AMN1: variants seen among roughly 807,000 people sequenced by gnomAD.
AMN1 encodes the protein antagonist of mitotic exit network 1 homolog, also known as protein AMN1 homolog.
Under a neutral mutation model 33.0 loss-of-function variants are expected in AMN1, and 20 were observed. The observed-to-expected ratio is 0.61, with a 90% CI of 0.43 to 0.88. The LOEUF is 0.88. AMN1 is among the 40% of genes least tolerant of loss of function. The pLI is 0.00. For synonymous variants in AMN1, 114 were observed against 111.9 expected (o/e 1.02, Z -0.12); for missense variants, 246 against 307.4 (o/e 0.80, Z 1.49).
At chr12:31,696,612 C>A (rs1183305849) in intron 5 of AMN1, among the ~76,000 whole-genome samples, 1 of 151,968 alleles carries the variant, frequency 6.6e-6, no homozygotes, top group African/African-American at 2.4e-5. Context: ...TGATTCAATT[C>A]AAAGGATGAA....
chr12:31,681,801 G>A (rs555269684), intron 6 of AMN1, among the ~76,000 whole-genome samples: 6 of 152,072 alleles, frequency 3.9e-5, no homozygotes, highest in East Asian at 1.9e-4. Flanking sequence ...TCAGCCTCCC[G>A]AGTAGCTGGG....
intron 6 of AMN1, among the ~76,000 whole-genome samples, chr12:31,679,371 A>G (rs1448680770): frequency 6.6e-6 from 1 of 152,062 alleles, no homozygotes; most frequent in African/African-American, 2.4e-5. Context: ...TACTAAAAAA[A>G]TACAAAAAAA....
intron 1 of AMN1, among the ~76,000 whole-genome samples, chr12:31,712,432 G>C (rs1035976647): frequency 2.0e-5 from 3 of 151,940 alleles, no homozygotes; most frequent in African/African-American, 7.3e-5. Context: ...ATTCTTAGTA[G>C]AGACAGGGTT....
At chr12:31,704,075 T>G (rs1939119069) in intron 2 of AMN1, among the ~76,000 whole-genome samples, 1 of 152,244 alleles carries the variant, frequency 6.6e-6, no homozygotes, top group African/African-American at 2.4e-5. Context: ...ATTATCTTCC[T>G]GAGATTTCTA....
intron 3 of AMN1, among the ~76,000 whole-genome samples, chr12:31,701,037 T>C (rs964707936): frequency 6.6e-6 from 1 of 151,052 alleles, no homozygotes; most frequent in Non-Finnish European, 1.5e-5. Flanking sequence ...TTTGCTCTCA[T>C]TGCCCAGGCT....
chr12:31,711,426 T>C (rs939066470), intron 1 of AMN1, among the ~76,000 whole-genome samples: 1 of 152,140 alleles, frequency 6.6e-6, no homozygotes, highest in African/African-American at 2.4e-5. Context: ...TCTTAAATGT[T>C]GGAAGGCCTA....
intron 4 of AMN1, 65 bp downstream of exon 4, chr12:31,697,675 A>G: frequency 2.7e-6 from 4 of 1,504,956 alleles, no homozygotes; most frequent in Non-Finnish European, 3.7e-6. Context: ...ATATGTTCTC[A>G]TTAGTCATGA....
At chr12:31,694,602 C>T (rs116325576) in intron 5 of AMN1, among the ~76,000 whole-genome samples, 1,706 of 151,822 alleles carry the variant, frequency 0.011, 29 homozygotes, top group African/African-American at 0.038. Flanking sequence ...AAAAAGTAGC[C>T]AGGAGTGGGG....
chr12:31,692,546 A>G (rs1243170667), intron 5 of AMN1, among the ~76,000 whole-genome samples: 1 of 152,110 alleles, frequency 6.6e-6, no homozygotes, highest in African/African-American at 2.4e-5. Flanking sequence ...GAAATTGCAT[A>G]CTCATAGCAT....
intron 1 of AMN1, among the ~76,000 whole-genome samples, chr12:31,724,057 G>GA (rs1265532042): frequency 6.6e-6 from 1 of 152,148 alleles, no homozygotes; most frequent in Non-Finnish European, 1.5e-5. Flanking sequence ...TTATCCATGG[G>GA]AAAAACATTC....
chr12:31,706,692 TAACC>T (rs1939254422), intron 2 of AMN1, among the ~76,000 whole-genome samples: 1 of 152,200 alleles, frequency 6.6e-6, no homozygotes, highest in African/African-American at 2.4e-5. Context: ...AAAGAGTGAT[TAACC>T]ATCTTTTTCT....
chr12:31,729,088 C>A (rs1393006259), upstream of AMN1: 2 of 1,412,382 alleles, frequency 1.4e-6, no homozygotes, highest in South Asian at 1.4e-5. Context: ...CTCCCGCCCA[C>A]CGCGCGACGC....
chr12:31,720,552 A>AG (rs1334598952), intron 1 of AMN1, among the ~76,000 whole-genome samples: 2 of 152,060 alleles, frequency 1.3e-5, no homozygotes, highest in Admixed American at 1.3e-4. Flanking sequence ...AAAAAAAAAA[A>AG]AAAAGTCAAT....
In AMN1 at chr12:31,671,470, G is replaced by A. The variant is rs543718985; in HGVS notation, c.*834C>T. 17 of 152,284 alleles carry A rather than the reference G, an allele frequency of 1.1e-4. No individual in the cohort carries two copies. The highest frequency in any genetic ancestry group is 2.2e-4 in the Non-Finnish European group (15 of 68,024). The allele number at this position is 152,284 out of a possible 1,614,324, so 9.4% of individuals were successfully genotyped here. ...GCTAAATTTGGGGGTTGGTTTAAGCGTGGTATGTGTCAGGTAATTTTGTGA... is the reference window on the plus strand; with the variant it reads ...GCTAAATTTGGGGGTTGGTTTAAGCATGGTATGTGTCAGGTAATTTTGTGA... On this transcript the variant is annotated 3_prime_UTR_variant, in exon 7 of 7. Transcript: ENST00000281471.
chr12:31,710,812 G>C (rs910210495), intron 1 of AMN1, among the ~76,000 whole-genome samples: 3 of 152,186 alleles, frequency 2.0e-5, no homozygotes, highest in African/African-American at 7.2e-5. Flanking sequence ...TATGTTGTCA[G>C]ATTATTTTTC....
Position 31,721,010 on chromosome 12 carries a change from A to C in AMN1, c.38+7961T>G, listed in dbSNP as rs560626793. Among the ~76,000 whole-genome samples, 3 of 152,304 alleles carry C rather than the reference A, an allele frequency of 2.0e-5. No homozygotes were observed. In the East Asian group the frequency reaches 5.8e-4, roughly 29 times the overall value. On this transcript the variant is annotated intron_variant, in intron 1 of 6. Transcript: ENST00000281471. ...CAGCACTTTGGAAGCCAACGTGGGA[A>C]TATCTCTTGAGTCCAGGAGTTTGAG... is the stretch of plus-strand genomic sequence containing the variant.
intron 5 of AMN1, among the ~76,000 whole-genome samples, chr12:31,695,135 A>AT (rs919272830): frequency 2.0e-5 from 3 of 152,120 alleles, no homozygotes; most frequent in South Asian, 4.1e-4. Flanking sequence ...TGGTTATTGC[A>AT]TTTTTTTCTC....
chr12:31,680,851 A>G (rs939049971), intron 6 of AMN1, among the ~76,000 whole-genome samples: 2 of 152,188 alleles, frequency 1.3e-5, no homozygotes, highest in African/African-American at 2.4e-5. Context: ...ATATGAATAT[A>G]TAAGAGGAAT....
chr12:31,716,350 T>C (rs891687648), intron 1 of AMN1, among the ~76,000 whole-genome samples: 1 of 152,198 alleles, frequency 6.6e-6, no homozygotes, highest in Admixed American at 6.5e-5. Context: ...CACACGTATC[T>C]GTGTTTCAAC....
Sources: gnomAD v4.1 joint callset for allele counts (sites outside exome capture counted in the v4.1 genomes callset) on GRCh38, gnomAD v4.1.1 for gene constraint, MANE v1.5 for transcripts, NCBI Gene and HGNC (gene_info 2026-07-23, HGNC 2026-07-21) for gene names.